SERPINB1: variants seen among roughly 807,000 people sequenced by gnomAD.
SERPINB1 encodes the protein serpin family B member 1, also known as leukocyte elastase inhibitor.
SERPINB1 carries 23 observed loss-of-function variants against 25.9 expected under a neutral mutation model. The observed-to-expected ratio is 0.89, with a 90% CI of 0.64 to 1.26. SERPINB1 has a LOEUF of 1.26. Among genes scored for constraint, SERPINB1 ranks in the 50% most tolerant of loss-of-function variants. The pLI is 0.00. For missense variants in SERPINB1, 399 were observed against 463.6 expected (o/e 0.86, Z 1.28); for synonymous variants, 178 against 178.7 (o/e 1.00, Z 0.03).
chr6:2,841,322 C>T lies in SERPINB1; in HGVS notation c.-9+490G>A, dbSNP rs316346. The T allele has an allele frequency of 0.58, 88,761 of 151,956 alleles. 26,058 individuals carry two copies. The highest frequency in any genetic ancestry group is 0.65 in the Admixed American group (9,969 of 15,272). The allele number at this position is 151,956 out of a possible 1,614,324, so 9.4% of individuals were successfully genotyped here. On this transcript the variant is annotated intron_variant, in intron 1 of 6. Transcript: ENST00000380739. This position sits in a 1 kb window ranked among gnomAD's most constrained non-coding sequence, Gnocchi z 4.5. Reference sequence around the variant, plus strand: ...CCCCCGAGGACAGGCAAAGAAGAACCGTGCTGGCTGCTCGGCATGTAAGCA... The same window carrying T: ...CCCCCGAGGACAGGCAAAGAAGAACTGTGCTGGCTGCTCGGCATGTAAGCA...
intron 2 of SERPINB1, among the ~76,000 whole-genome samples, chr6:2,839,031 T>C (rs1025661563): frequency 6.6e-6 from 1 of 152,226 alleles, no homozygotes; most frequent in Non-Finnish European, 1.5e-5. Context: ...TTATATTCTG[T>C]ATCAAATATA....
At chr6:2,840,380 A>G in intron 2 of SERPINB1, 39 bp downstream of exon 2, 2 of 1,610,302 alleles carry the variant, frequency 1.2e-6, no homozygotes, top group East Asian at 2.2e-5. Flanking sequence ...TCGTAGGGAG[A>G]TGGGAGGAAA....
At chr6:2,840,723 C>T (rs1214517286) in intron 1 of SERPINB1, 129 bp from the exon 2 acceptor site, 12 of 835,330 alleles carry the variant, frequency 1.4e-5, no homozygotes, top group Non-Finnish European at 1.9e-5. Flanking sequence ...GTACTTTCTC[C>T]CCGCTTTTTT....
Position 2,838,516 on chromosome 6 carries a change from G to GCT in SERPINB1, c.306+32_306+33insAG, listed in dbSNP as rs758249676. 1.9e-6 allele frequency: 3 copies of GCT among 1,549,224 alleles called. No homozygotes were observed. The Admixed American group carries it at 5.9e-5, about 31-fold the overall frequency. On this transcript the variant is annotated intron_variant, in intron 3 of 6. Coordinates refer to ENST00000380739, the MANE Select transcript of SERPINB1 (RefSeq NM_030666.4). ...CTGGAAAATATCTGCACTGTCTAGT[G>GCT]GGGTTTTAGAATGTGAAGGGCAAAG...
intron 1 of SERPINB1, among the ~76,000 whole-genome samples, chr6:2,840,951 A>G (rs1766633419): frequency 6.6e-6 from 1 of 152,068 alleles, no homozygotes; most frequent in Non-Finnish European, 1.5e-5. Flanking sequence ...GGTCTTCCCA[A>G]CCTATGTGTG....
At chr6:2,834,093 A>T (rs1766418562) in intron 6 of SERPINB1, 81 bp from the exon 7 acceptor site, 1 of 1,271,958 alleles carries the variant, frequency 7.9e-7, no homozygotes, top group Non-Finnish European at 1.1e-6. Context: ...GAATCAATGG[A>T]CCCATAATAT....
chr6:2,835,971 C>T lies in SERPINB1; in HGVS notation c.620G>A (p.Gly207Asp), dbSNP rs769253307. Residue 207 changes from glycine (G) to aspartate (D), a missense_variant, in exon 6 of 7, where the codon GGC (glycine) becomes GAC (aspartate). Physicochemically the swap from Gly to Asp is moderately conservative, Grantham distance 94. Coordinates refer to ENST00000380739, the MANE Select transcript of SERPINB1 (RefSeq NM_030666.4). ...ACGGCACTTAAGGTCCTCGATGTAG[C>T]CATATGCAAATTTTTTCTTCTGATA... is the stretch of plus-strand genomic sequence containing the variant. The part of the protein sequence containing the change: ...MMYQKKKFAY[G>D]YIEDLKCRVL... 3 of 1,614,006 alleles carry T rather than the reference C, an allele frequency of 1.9e-6. No individual in the cohort carries two copies. The highest frequency in any genetic ancestry group is 1.7e-5 in the Admixed American group (1 of 59,998).
intron 6 of SERPINB1, 142 bp from the exon 7 acceptor site, chr6:2,834,154 G>A (rs895410377): frequency 2.5e-6 from 2 of 794,318 alleles, no homozygotes; most frequent in African/African-American, 3.5e-5. Flanking sequence ...GATTCCATTT[G>A]GAGCATTTTA....
intron 6 of SERPINB1, among the ~76,000 whole-genome samples, chr6:2,835,644 C>G (rs1766467020): frequency 6.6e-6 from 1 of 152,056 alleles, no homozygotes; most frequent in Admixed American, 6.5e-5. Context: ...CAAGACCAGC[C>G]TAAACAACAT....
intron 2 of SERPINB1, 25 bp from the exon 3 acceptor site, chr6:2,838,711 TA>T: frequency 6.6e-7 from 1 of 1,517,000 alleles, no homozygotes. Context: ...ATCTTCTTTC[TA>T]CAACCATTTA....
In SERPINB1 at chr6:2,837,997, C is replaced by G; in HGVS notation, c.309G>C (p.Glu103Asp). Reference sequence around the variant, plus strand: ...ATGTTTTCTGAGTCGAAACCAAGAACTCCTATTAAAAAAAAGGAAAAGGAA... The same window carrying G: ...ATGTTTTCTGAGTCGAAACCAAGAAGTCCTATTAAAAAAAAGGAAAAGGAA... ...YGEKTYNFLP[E>D]FLVSTQKTYG... is the part of the protein sequence containing the mutation. Residue 103 changes from glutamate to aspartate, a missense_variant and splice_region_variant, in exon 4 of 7, where the codon GAG (glutamate) becomes GAC (aspartate). Coordinates refer to ENST00000380739, the MANE Select transcript of SERPINB1 (RefSeq NM_030666.4). The surrounding 1 kb of genome is among the most constrained non-coding windows in gnomAD (Gnocchi z 4.3). The G allele has an allele frequency of 6.2e-7, 1 of 1,606,330 alleles. No homozygotes were observed. The highest frequency in any genetic ancestry group is 1.1e-5 in the South Asian group (1 of 90,174).
chr6:2,836,303 T>C (rs1251407658), intron 4 of SERPINB1, 53 bp from the exon 5 acceptor site: 1 of 1,535,688 alleles, frequency 6.5e-7, no homozygotes, highest in Non-Finnish European at 8.8e-7. Context: ...ATTCCAAATT[T>C]GAACTGACAA....
At chr6:2,838,494 G>A in intron 3 of SERPINB1, 55 bp downstream of exon 3, 1 of 1,396,114 alleles carries the variant, frequency 7.2e-7, no homozygotes, top group Non-Finnish European at 9.4e-7. Context: ...GATTGTGCTG[G>A]AAAATATCTG....
rs1435111632 is a variant in SERPINB1, at chr6:2,838,535, G to A, written c.306+14C>T. 2 of 1,580,004 alleles carry A rather than the reference G, an allele frequency of 1.3e-6. No individual in the cohort carries two copies. On this transcript the variant is annotated intron_variant, in intron 3 of 6. Transcript: ENST00000380739. Reference sequence around the variant, plus strand: ...TCTAGTGGGGTTTTAGAATGTGAAGGGCAAAGTACTTACAGGAAGGAAATT... The same window carrying A: ...TCTAGTGGGGTTTTAGAATGTGAAGAGCAAAGTACTTACAGGAAGGAAATT...
intron 4 of SERPINB1, among the ~76,000 whole-genome samples, chr6:2,836,804 A>C (rs1766505453): frequency 6.6e-6 from 1 of 152,174 alleles, no homozygotes; most frequent in Non-Finnish European, 1.5e-5. Flanking sequence ...GCAGTGAGCC[A>C]CGATCGCACC....
At position 2,840,480 on chromosome 6, in the gene SERPINB1, G is replaced by A. The variant is rs767794342; in HGVS notation, c.107C>T (p.Ser36Leu). Residue 36 changes from serine to leucine, a missense_variant, in exon 2 of 7, where the codon TCA (serine) becomes TTA (leucine). Coordinates refer to ENST00000380739, the MANE Select transcript of SERPINB1 (RefSeq NM_030666.4). ...GNIFISPFSI[S>L]SAMAMVFLGT... ...CAGAAAAACCATGGCCATAGCAGAT[G>A]AAATGCTGAAGGGAGAGATGAAGAT... The A allele has an allele frequency of 6.2e-7, 1 of 1,614,186 alleles. No homozygotes were observed. Among genetic ancestry groups the A allele is most frequent in the Non-Finnish European group, 8.5e-7 (1 of 1,180,044 alleles).
At chr6:2,839,714 T>C (rs1401752518) in intron 2 of SERPINB1, among the ~76,000 whole-genome samples, 2 of 152,118 alleles carry the variant, frequency 1.3e-5, no homozygotes, top group Admixed American at 1.3e-4. Context: ...AGAGTTCTCT[T>C]CTCAGAATTA....
chr6:2,837,768 T>C lies in SERPINB1; in HGVS notation c.424+114A>G, dbSNP rs1048688717. 18 of 786,950 alleles carry C rather than the reference T, an allele frequency of 2.3e-5. No homozygotes were observed. The highest frequency in any genetic ancestry group is 3.4e-5 in the African/African-American group (2 of 58,312). 48.7% of individuals were successfully genotyped at this position (786,950 alleles called of 1,614,324 possible). On this transcript the variant is annotated intron_variant, in intron 4 of 6. Transcript: ENST00000380739. This position sits in a 1 kb window ranked among gnomAD's most constrained non-coding sequence, Gnocchi z 4.3. ...CAGCGTCCTCTGACTGTAACCACGA[T>C]GTGCGCCAGGACTGTGGGAGCTGGG... is the stretch of plus-strand genomic sequence containing the variant.
intron 6 of SERPINB1, among the ~76,000 whole-genome samples, chr6:2,834,295 TCATCCATC>T (rs570666148): frequency 1.0e-3 from 122 of 118,244 alleles, no homozygotes; most frequent in Middle Eastern, 4.7e-3. Flanking sequence ...ATTTGTCCAC[TCATCCATC>T]CATCCATCCA....
Sources: gnomAD v4.1 joint callset for allele counts (sites outside exome capture counted in the v4.1 genomes callset) on GRCh38, gnomAD v4.1.1 for gene constraint, Gnocchi (gnomAD v3.1) non-coding constraint, MANE v1.5 for transcripts, NCBI Gene and HGNC (gene_info 2026-07-23, HGNC 2026-07-21) for gene names.